Variants in LRP1B observed in about 807,000 individuals in gnomAD.
LRP1B encodes the protein low-density lipoprotein receptor-related protein 1B.
LRP1B carries 217 observed loss-of-function variants against 556.6 expected under a neutral mutation model. The ratio of observed to expected loss-of-function variants is 0.39; its 90% CI spans 0.35 to 0.44. LRP1B has a LOEUF of 0.44. Ranked by LOEUF, LRP1B falls within the 20% of genes least tolerant of loss-of-function variation. The pLI is 1.00. For missense variants in LRP1B, 5,053 were observed against 5,620.8 expected (o/e 0.90, Z 3.23); for synonymous variants, 2,047 against 1,865.8 (o/e 1.10, Z -2.50).
chr2:141,384,423 A>C (rs115590372), intron 3 of LRP1B, among the ~76,000 whole-genome samples: 3,417 of 152,250 alleles, frequency 0.022, 122 homozygotes, highest in African/African-American at 0.076. Context: ...AAATATATTT[A>C]AGAAATTGGA....
intron 7 of LRP1B, among the ~76,000 whole-genome samples, chr2:141,121,019 A>G (rs1701033891): frequency 6.6e-6 from 1 of 152,038 alleles, no homozygotes; most frequent in South Asian, 2.1e-4. Flanking sequence ...GGGCTAAGCA[A>G]TTTATATATT....
intron 43 of LRP1B, among the ~76,000 whole-genome samples, chr2:140,581,160 G>A (rs1241711770): frequency 6.6e-6 from 1 of 152,188 alleles, no homozygotes; most frequent in Non-Finnish European, 1.5e-5. Context: ...CAGAGTGGGA[G>A]GACCTGAAGT....
intron 2 of LRP1B, among the ~76,000 whole-genome samples, chr2:141,798,256 T>C (rs11675174): frequency 0.19 from 28,447 of 152,152 alleles, 3,134 homozygotes; most frequent in East Asian, 0.39. Flanking sequence ...AATGTAATGA[T>C]TGATAAATCC....
chr2:141,787,926 C>T (rs984578501), intron 2 of LRP1B, among the ~76,000 whole-genome samples: 1 of 151,908 alleles, frequency 6.6e-6, no homozygotes, highest in Non-Finnish European at 1.5e-5. Flanking sequence ...TTATGGCTAA[C>T]ATTCTAACCA....
intron 18 of LRP1B, among the ~76,000 whole-genome samples, chr2:140,963,125 C>G (rs1696087471): frequency 1.3e-5 from 2 of 152,076 alleles, no homozygotes; most frequent in Non-Finnish European, 2.9e-5. Context: ...GTTTTTAAAA[C>G]CCCAACTTGG....
Position 140,541,969 on chromosome 2 carries a change from C to T in LRP1B, c.7197G>A (p.Val2399=). ...RCEYDGSQRH[V]IVKSGPGTFL... is the part of the protein sequence containing the mutation. ...AAGTCCCTGGCCCAGATTTAACTAT[C>T]ACCTGAAATAAATTAAAATACTGTA... The change falls in exon 44 of 91, where the codon GTG becomes GTA. Residue 2399 remains valine (V), a splice_region_variant and synonymous_variant. Transcript: ENST00000389484. The T allele has an allele frequency of 1.3e-6, 2 of 1,594,344 alleles. No individual in the cohort carries two copies. The highest frequency in any genetic ancestry group is 1.3e-5 in the African/African-American group (1 of 74,686).
intron 41 of LRP1B, among the ~76,000 whole-genome samples, chr2:140,664,893 C>G (rs1336743717): frequency 6.6e-6 from 1 of 151,962 alleles, no homozygotes; most frequent in Non-Finnish European, 1.5e-5. Context: ...AAAGATTAAT[C>G]TCTCTGAAAC....
chr2:140,499,372 C>T (rs1689083462), intron 55 of LRP1B, among the ~76,000 whole-genome samples: 1 of 151,758 alleles, frequency 6.6e-6, no homozygotes, highest in African/African-American at 2.4e-5. Context: ...ACATTAAATA[C>T]ACATGGAATA....
At chr2:141,949,300 C>T (rs542654571) in intron 1 of LRP1B, among the ~76,000 whole-genome samples, 4 of 152,062 alleles carry the variant, frequency 2.6e-5, no homozygotes, top group Admixed American at 6.6e-5. Context: ...AGAAACTCAC[C>T]GTCTATTTCA....
Position 140,994,126 on chromosome 2 carries a change from C to G in LRP1B, c.2513G>C (p.Gly838Ala), listed in dbSNP as rs1697171998. 6.2e-7 allele frequency: 1 copy of G among 1,612,090 alleles called. No homozygotes were observed. Among genetic ancestry groups the G allele is most frequent in the South Asian group, 1.1e-5 (1 of 90,978 alleles). The change falls in exon 16 of 91, where the codon GGA (glycine) becomes GCA (alanine). Residue 838 changes from glycine to alanine, a missense_variant. This residue lies in a region of LRP1B where 3,619 missense variants were observed against 3,931.9 expected (regional missense o/e 0.92). Coordinates refer to ENST00000389484, the MANE Select transcript of LRP1B (RefSeq NM_018557.3). ...TTTACATATGTGAGGTAGTGCTTCT[C>G]CAGGATTAACTAGAGTTAAAAAAAC... is the stretch of plus-strand genomic sequence containing the variant. ...ENGTTCTFNPGEALPHICKAG... is the reference protein window; with the variant it reads ...ENGTTCTFNPAEALPHICKAG...
chr2:140,620,966 T>C (rs1486180362), intron 41 of LRP1B, among the ~76,000 whole-genome samples: 1 of 152,132 alleles, frequency 6.6e-6, no homozygotes, highest in Admixed American at 6.5e-5. Context: ...GGGTTTTCTT[T>C]CTATATTAAA....
intron 3 of LRP1B, among the ~76,000 whole-genome samples, chr2:141,301,261 T>C (rs959776621): frequency 1.1e-4 from 16 of 152,180 alleles, no homozygotes; most frequent in African/African-American, 2.4e-5. Flanking sequence ...TTCGGGACAT[T>C]GGGAATAAAT....
intron 18 of LRP1B, among the ~76,000 whole-genome samples, chr2:140,962,998 T>A (rs1044589381): frequency 3.3e-5 from 5 of 152,114 alleles, no homozygotes; most frequent in Non-Finnish European, 7.4e-5. Context: ...AGAGGTAGGT[T>A]TAGACCTTAC....
intron 7 of LRP1B, among the ~76,000 whole-genome samples, chr2:141,099,517 G>A (rs960326315): frequency 6.6e-6 from 1 of 152,154 alleles, no homozygotes; most frequent in African/African-American, 2.4e-5. Flanking sequence ...TTTTGCCAAA[G>A]CATGTATGAG....
rs558928280 is a variant in LRP1B at position 142,069,948 on chromosome 2, A to T, written c.82+60700T>A. ...GGATTTTTATGACTGTTTGCTGAACACAAACGTAGTTTAGCCTAGTAGTCT... is the reference window on the plus strand; with the variant it reads ...GGATTTTTATGACTGTTTGCTGAACTCAAACGTAGTTTAGCCTAGTAGTCT... On this transcript the variant is annotated intron_variant, in intron 1 of 90. Coordinates refer to ENST00000389484, the MANE Select transcript of LRP1B (RefSeq NM_018557.3). 6.6e-5 allele frequency among the ~76,000 whole-genome samples: 10 copies of T among 151,918 alleles called. No individual in the cohort carries two copies. The South Asian group carries it at 1.9e-3, about 28-fold the overall frequency.
chr2:140,920,043 T>G (rs951901103), intron 21 of LRP1B, among the ~76,000 whole-genome samples: 6 of 152,056 alleles, frequency 3.9e-5, no homozygotes, highest in African/African-American at 1.4e-4. Context: ...ACAGAAGGAT[T>G]AAATTTACAT....
chr2:141,214,760 A>T (rs1304824009), intron 6 of LRP1B, among the ~76,000 whole-genome samples: 1 of 152,168 alleles, frequency 6.6e-6, no homozygotes, highest in Non-Finnish European at 1.5e-5. Flanking sequence ...GGGAAGTCAG[A>T]GACCAAGCCT....
At position 141,538,635 on chromosome 2, in the gene LRP1B, CTTCT is replaced by C. The variant is rs1254251633; in HGVS notation, c.206-58106_206-58103del. Among the ~76,000 whole-genome samples, 115 of 63,342 alleles carry C rather than the reference CTTCT, an allele frequency of 1.8e-3. 2 individuals carry two copies. The highest frequency in any genetic ancestry group is 2.7e-3 in the Non-Finnish European group (56 of 20,384). 41.6% of individuals were successfully genotyped at this position (63,342 alleles called of 152,430 possible). A position where few individuals can be genotyped will look rare whatever the true frequency, so the allele number is the denominator to read the frequency against. On this transcript the variant is annotated intron_variant, in intron 2 of 90. Transcript: ENST00000389484. ...AGAGAAAAAGACACCCTGAAAAAAA[CTTCT>C]TTTTTTTTTTTTTTTGAGACACAGT... is the stretch of plus-strand genomic sequence containing the variant.
chr2:141,443,574 A>T (rs977358266), intron 3 of LRP1B, among the ~76,000 whole-genome samples: 1 of 152,148 alleles, frequency 6.6e-6, no homozygotes, highest in African/African-American at 2.4e-5. Flanking sequence ...CTTATGTTTA[A>T]GTCTTTGATC....
Sources: allele counts gnomAD v4.1 joint callset (sites outside exome capture counted in the v4.1 genomes callset), GRCh38; gene constraint gnomAD v4.1.1; regional missense constraint gnomAD v4.1.1; transcripts MANE v1.5; gene names NCBI Gene and HGNC (gene_info 2026-07-23, HGNC 2026-07-21).